The following DLG2 variants were observed in gnomAD, a reference collection of about 807,000 sequenced individuals.
The protein encoded by DLG2 is discs large MAGUK scaffold protein 2, also known as disks large homolog 2.
A neutral mutation model predicts 132.5 loss-of-function variants in DLG2; 45 were observed. The ratio of observed to expected loss-of-function variants is 0.34; its 90% CI spans 0.27 to 0.44. The LOEUF (loss-of-function observed/expected upper bound fraction) is 0.44, where lower values mean the gene tolerates loss of function less well. DLG2 is among the 20% of genes least tolerant of loss of function. The pLI, the probability that DLG2 is intolerant of heterozygous loss-of-function variation, is 1.00. For missense variants in DLG2, 1,045 were observed against 1,196.9 expected (o/e 0.87, Z 1.87); for synonymous variants, 424 against 419.6 (o/e 1.01, Z -0.13).
chr11:84,720,406 G>A (rs916746120), intron 6 of DLG2: 2 of 985,312 alleles, frequency 2.0e-6, no homozygotes, highest in African/African-American at 3.5e-5. Context: ...ATTCCTTCCG[G>A]GCTGCGGCAG....
intron 8 of DLG2, among the ~76,000 whole-genome samples, chr11:84,198,039 A>G (rs1264103480): frequency 6.6e-6 from 1 of 152,180 alleles, no homozygotes; most frequent in Non-Finnish European, 1.5e-5. Flanking sequence ...ATGATCTAGG[A>G]AAGTCAGCCA....
intron 18 of DLG2, among the ~76,000 whole-genome samples, chr11:83,666,142 G>C (rs2075493676): frequency 6.6e-6 from 1 of 152,130 alleles, no homozygotes; most frequent in African/African-American, 2.4e-5. Flanking sequence ...CACCACATGA[G>C]ATCTACTTCT....
chr11:84,274,263 G>A (rs1002976314), intron 7 of DLG2, among the ~76,000 whole-genome samples: 3 of 152,172 alleles, frequency 2.0e-5, no homozygotes, highest in Admixed American at 6.5e-5. Flanking sequence ...GTGCTAGGAG[G>A]TAAGGCATCT....
chr11:84,814,597 C>T (rs1383814358), intron 6 of DLG2, among the ~76,000 whole-genome samples: 4 of 152,140 alleles, frequency 2.6e-5, no homozygotes, highest in South Asian at 2.1e-4. Flanking sequence ...CCTTAAATTA[C>T]GTGCAGTTCT....
At chr11:83,935,981 C>T (rs7127758) in intron 14 of DLG2, among the ~76,000 whole-genome samples, 4,119 of 152,180 alleles carry the variant, frequency 0.027, 159 homozygotes, top group African/African-American at 0.078. Flanking sequence ...TAGTTCAGTC[C>T]GTGGCACTTA....
At chr11:84,726,914 T>C (rs1422115546) in intron 6 of DLG2, among the ~76,000 whole-genome samples, 1 of 152,240 alleles carries the variant, frequency 6.6e-6, no homozygotes, top group Non-Finnish European at 1.5e-5. Context: ...TTGAGAAGTG[T>C]CTGCTTATAT....
intron 6 of DLG2, among the ~76,000 whole-genome samples, chr11:84,742,687 A>G (rs2064841682): frequency 6.6e-6 from 1 of 152,204 alleles, no homozygotes; most frequent in Admixed American, 6.5e-5. Flanking sequence ...CTTAGGGTTC[A>G]CTGTTGGTGG....
At chr11:84,947,731 T>C (rs183371653) in intron 6 of DLG2, among the ~76,000 whole-genome samples, 95 of 152,354 alleles carry the variant, frequency 6.2e-4, no homozygotes, top group South Asian at 2.3e-3. Flanking sequence ...AAAGTGGAGA[T>C]TAATTTTATT....
At chr11:83,841,617 G>A (rs755147706) in intron 16 of DLG2, among the ~76,000 whole-genome samples, 2 of 152,194 alleles carry the variant, frequency 1.3e-5, no homozygotes, top group Non-Finnish European at 2.9e-5. Flanking sequence ...AACGACATAC[G>A]TTGGCATTTG....
chr11:84,696,606 T>C (rs963682886), intron 6 of DLG2, among the ~76,000 whole-genome samples: 7 of 151,334 alleles, frequency 4.6e-5, no homozygotes, highest in African/African-American at 1.7e-4. Flanking sequence ...AAAAAAACAG[T>C]GAACACAAAG....
chr11:83,745,986 A>G lies in DLG2; in HGVS notation c.1825+40704T>C, dbSNP rs1049395628. On this transcript the variant is annotated intron_variant, in intron 18 of 27. Coordinates refer to ENST00000376104, the MANE Select transcript of DLG2 (RefSeq NM_001142699.3). ...ACAGACACATGAAAAAATGCTCACC[A>G]TCACGTTCATCAGAGAAATGCAAAT... 7.9e-5 allele frequency among the ~76,000 whole-genome samples: 12 copies of G among 152,316 alleles called. No individual in the cohort carries two copies. The East Asian group carries it at 1.5e-3, about 20-fold the overall frequency.
At chr11:83,601,995 T>A (rs1345637867) in intron 19 of DLG2, among the ~76,000 whole-genome samples, 1 of 152,120 alleles carries the variant, frequency 6.6e-6, no homozygotes, top group Non-Finnish European at 1.5e-5. Context: ...CCAAAGCACT[T>A]TGCCACAGAC....
At chr11:84,530,357 A>G (rs1169322344) in intron 7 of DLG2, among the ~76,000 whole-genome samples, 1 of 152,232 alleles carries the variant, frequency 6.6e-6, no homozygotes, top group Non-Finnish European at 1.5e-5. Flanking sequence ...TAAATAGACA[A>G]CCTACAGAAT....
intron 14 of DLG2, among the ~76,000 whole-genome samples, chr11:83,939,958 A>G (rs1198153943): frequency 6.6e-6 from 1 of 152,190 alleles, no homozygotes; most frequent in African/African-American, 2.4e-5. Context: ...CTTTAATCGA[A>G]TCACTTAAAT....
chr11:84,818,505 C>A (rs2077316992), intron 6 of DLG2, among the ~76,000 whole-genome samples: 1 of 151,426 alleles, frequency 6.6e-6, no homozygotes, highest in Admixed American at 6.6e-5. Context: ...ATATTTCTTA[C>A]ATTAAATATA....
intron 3 of DLG2, among the ~76,000 whole-genome samples, chr11:85,568,338 T>C (rs1438054419): frequency 1.3e-5 from 2 of 152,114 alleles, no homozygotes; most frequent in Non-Finnish European, 2.9e-5. Context: ...TGCTAACATT[T>C]TGTTGAGGAT....
chr11:84,782,222 A>T (rs2071935696), intron 6 of DLG2, among the ~76,000 whole-genome samples: 1 of 152,152 alleles, frequency 6.6e-6, no homozygotes, highest in South Asian at 2.1e-4. Flanking sequence ...TTAGATGGGA[A>T]AGACAAACTT....
intron 6 of DLG2, among the ~76,000 whole-genome samples, chr11:84,638,958 G>T (rs935541577): frequency 6.6e-6 from 1 of 152,148 alleles, no homozygotes; most frequent in Non-Finnish European, 1.5e-5. Flanking sequence ...ACCTCTATTG[G>T]CACTTCTGGG....
intron 18 of DLG2, among the ~76,000 whole-genome samples, chr11:83,758,089 T>C (rs2093727644): frequency 1.3e-5 from 2 of 152,214 alleles, no homozygotes; most frequent in African/African-American, 4.8e-5. Flanking sequence ...TGACTGTAAA[T>C]GTCTTTTCTT....
Sources: gnomAD v4.1 joint callset for allele counts (sites outside exome capture counted in the v4.1 genomes callset) on GRCh38, gnomAD v4.1.1 for gene constraint, MANE v1.5 for transcripts, NCBI Gene and HGNC (gene_info 2026-07-23, HGNC 2026-07-21) for gene names.